RBFOX1: variants seen among roughly 807,000 people sequenced by gnomAD.
The protein encoded by RBFOX1 is RNA binding protein fox-1 homolog 1.
A neutral mutation model predicts 57.7 loss-of-function variants in RBFOX1; 8 were observed. That is an observed-to-expected ratio of 0.14 (90% confidence interval 0.08 to 0.25). The LOEUF (loss-of-function observed/expected upper bound fraction) is 0.25. Among genes scored for constraint, RBFOX1 ranks in the 10% least tolerant of loss-of-function variants. The probability of loss-of-function intolerance (pLI) is 1.00; values close to 1 mark genes in which losing one functional copy is unlikely to be tolerated. For missense variants in RBFOX1, 611 were observed against 548.5 expected (o/e 1.11, Z -1.14); for synonymous variants, 326 against 222.4 (o/e 1.47, Z -4.15).
chr16:5,886,708 G>A (rs1464547724), intron 4 of RBFOX1, among the ~76,000 whole-genome samples: 3 of 152,146 alleles, frequency 2.0e-5, no homozygotes, highest in Non-Finnish European at 4.4e-5. Flanking sequence ...GCCAATATGG[G>A]GAAACCCTGT....
At position 6,732,142 on chromosome 16, in the gene RBFOX1, C is replaced by G. The variant is rs1382206582; in HGVS notation, c.-16+77492C>G. On this transcript the variant is annotated intron_variant, in intron 3 of 15. Coordinates refer to ENST00000550418, the MANE Select transcript of RBFOX1 (RefSeq NM_018723.4). ...GATTCTTCTGCATAGTTTCTGGTCT[C>G]TTTCCCCTATACATCTGATCCCTCC... 1.3e-5 allele frequency among the ~76,000 whole-genome samples: 2 copies of G among 152,164 alleles called. 1 individual carries two copies. Among genetic ancestry groups the G allele is most frequent in the Admixed American group, 1.3e-4 (2 of 15,272 alleles).
intron 4 of RBFOX1, among the ~76,000 whole-genome samples, chr16:7,086,895 C>T (rs1026974239): frequency 3.0e-4 from 46 of 152,176 alleles, no homozygotes; most frequent in Admixed American, 2.6e-4. Flanking sequence ...GCTGAATTGG[C>T]ACACAGGCTT....
At chr16:6,598,256 A>C (rs879845917) in intron 2 of RBFOX1, among the ~76,000 whole-genome samples, 6 of 152,198 alleles carry the variant, frequency 3.9e-5, no homozygotes, top group African/African-American at 9.7e-5. Flanking sequence ...TCATTCCACT[A>C]TATAATTAAG....
chr16:7,321,725 T>G (rs112947969), intron 4 of RBFOX1, among the ~76,000 whole-genome samples: 1 of 152,236 alleles, frequency 6.6e-6, no homozygotes, highest in Non-Finnish European at 1.5e-5. Context: ...TAAAATATTT[T>G]AAAATAGATT....
At chr16:6,750,107 G>A (rs749164452) in intron 3 of RBFOX1, among the ~76,000 whole-genome samples, 1 of 152,186 alleles carries the variant, frequency 6.6e-6, no homozygotes, top group Non-Finnish European at 1.5e-5. Flanking sequence ...TGATCTTTCT[G>A]TTACTGTCAG....
chr16:7,217,052 CCTCTCT>C (rs1376785906), intron 4 of RBFOX1, among the ~76,000 whole-genome samples: 2 of 111,506 alleles, frequency 1.8e-5, no homozygotes, highest in Non-Finnish European at 3.6e-5. Context: ...TCCCTCCCTC[CCTCTCT>C]CTCCCTCTCC....
intron 3 of RBFOX1, among the ~76,000 whole-genome samples, chr16:5,783,832 T>G (rs943609624): frequency 6.6e-6 from 1 of 152,198 alleles, no homozygotes; most frequent in Non-Finnish European, 1.5e-5. Flanking sequence ...TTTGGCTCTG[T>G]GTCTTGGTTG....
chr16:6,894,682 C>T (rs912097041), intron 3 of RBFOX1, among the ~76,000 whole-genome samples: 1 of 152,174 alleles, frequency 6.6e-6, no homozygotes. Flanking sequence ...AACTGATAGC[C>T]TCGACCTCAC....
At chr16:6,912,425 G>T (rs901259760) in intron 3 of RBFOX1, among the ~76,000 whole-genome samples, 1 of 152,102 alleles carries the variant, frequency 6.6e-6, no homozygotes, top group South Asian at 2.1e-4. Context: ...TGAGGTGTCT[G>T]TTCTCTGTGA....
intron 3 of RBFOX1, among the ~76,000 whole-genome samples, chr16:6,667,517 A>G (rs11641519): frequency 0.068 from 10,337 of 152,112 alleles, 406 homozygotes; most frequent in African/African-American, 0.08. Context: ...TTCTGGGGTC[A>G]CTATGGGACT....
Position 6,370,362 on chromosome 16 carries a change from G to GAAAAAAAA in RBFOX1, c.-64+53327_-64+53334dup, listed in dbSNP as rs71145221. On this transcript the variant is annotated intron_variant, in intron 2 of 15. Transcript: ENST00000550418. ...GACAGATAGAGACTCCGTCTCAAAA[G>GAAAAAAAA]AAAAAAAAAAAAAAAAAAAAAAAAA... is the stretch of plus-strand genomic sequence containing the variant. Among the ~76,000 whole-genome samples, 6 of 82,006 alleles carry GAAAAAAAA rather than the reference G, an allele frequency of 7.3e-5. 1 individual carries two copies. Among genetic ancestry groups the GAAAAAAAA allele is most frequent in the East Asian group, 9.0e-4 (2 of 2,228 alleles). The allele number at this position is 82,006 out of a possible 152,430, so 53.8% of individuals were successfully genotyped here. A position where few individuals can be genotyped will look rare whatever the true frequency, so the allele number is the denominator to read the frequency against.
chr16:5,942,121 G>A (rs1440463122), intron 4 of RBFOX1, among the ~76,000 whole-genome samples: 1 of 152,114 alleles, frequency 6.6e-6, no homozygotes, highest in Non-Finnish European at 1.5e-5. Context: ...CCCAGGTACA[G>A]CCAATTTATC....
intron 4 of RBFOX1, among the ~76,000 whole-genome samples, chr16:7,331,509 C>G (rs2096694997): frequency 6.6e-6 from 1 of 152,180 alleles, no homozygotes; most frequent in African/African-American, 2.4e-5. Context: ...GTTATCTGAG[C>G]CTTCAGTCTC....
At chr16:6,325,693 A>G (rs1300937098) in intron 2 of RBFOX1, among the ~76,000 whole-genome samples, 1 of 152,208 alleles carries the variant, frequency 6.6e-6, no homozygotes, top group African/African-American at 2.4e-5. Flanking sequence ...AGGCTGGTTA[A>G]TACGATATGG....
chr16:5,434,412 C>T (rs1260893237), intron 1 of RBFOX1, among the ~76,000 whole-genome samples: 1 of 149,170 alleles, frequency 6.7e-6, no homozygotes, highest in East Asian at 2.0e-4. Flanking sequence ...ACCTCCACCT[C>T]CCAAGTTCAA....
chr16:7,355,249 C>G (rs966922707), intron 4 of RBFOX1, among the ~76,000 whole-genome samples: 8 of 152,154 alleles, frequency 5.3e-5, no homozygotes, highest in African/African-American at 1.7e-4. Flanking sequence ...TCCACAAATC[C>G]CATCCCAGGC....
At chr16:7,533,732 T>G (rs1168522947) in intron 5 of RBFOX1, among the ~76,000 whole-genome samples, 2 of 152,226 alleles carry the variant, frequency 1.3e-5, no homozygotes, top group Non-Finnish European at 2.9e-5. Flanking sequence ...TTCTACTGAA[T>G]GTGTATTGTT....
chr16:6,187,330 G>A (rs761893679), intron 1 of RBFOX1, among the ~76,000 whole-genome samples: 13 of 151,988 alleles, frequency 8.6e-5, no homozygotes, highest in Non-Finnish European at 1.3e-4. Flanking sequence ...AGTAGAGGAG[G>A]GATATTTTAA....
chr16:6,975,905 C>G (rs1168474852), intron 3 of RBFOX1, among the ~76,000 whole-genome samples: 1 of 151,956 alleles, frequency 6.6e-6, no homozygotes, highest in African/African-American at 2.4e-5. Context: ...GGTAGGTGGT[C>G]ACTTGAGGTC....
Sources: allele counts gnomAD v4.1 joint callset (sites outside exome capture counted in the v4.1 genomes callset), GRCh38; gene constraint gnomAD v4.1.1; transcripts MANE v1.5; gene names NCBI Gene and HGNC (gene_info 2026-07-23, HGNC 2026-07-21).